Variants in ARHGEF4 observed in about 807,000 individuals in gnomAD.
ARHGEF4 encodes APC-stimulated guanine nucleotide exchange factor 1.
A neutral mutation model predicts 162.0 loss-of-function variants in ARHGEF4; 119 were observed. That is an observed-to-expected ratio of 0.73 (90% confidence interval 0.63 to 0.86). ARHGEF4 has a LOEUF of 0.86. Ranked by LOEUF, ARHGEF4 falls within the 40% of genes least tolerant of loss-of-function variation. The pLI is 0.00. For synonymous variants in ARHGEF4, 1,014 were observed against 979.9 expected (o/e 1.03, Z -0.65); for missense variants, 2,488 against 2,456.0 (o/e 1.01, Z -0.28).
chr2:131,017,493 T>C (rs1406790264), intron 4 of ARHGEF4, among the ~76,000 whole-genome samples: 1 of 152,210 alleles, frequency 6.6e-6, no homozygotes. Context: ...TCGCTTTTCT[T>C]TTCTCCCAGG....
chr2:130,926,052 T>TTC (rs751271786), intron 2 of ARHGEF4, among the ~76,000 whole-genome samples: 1,476 of 98,120 alleles, frequency 0.015, 29 homozygotes, highest in African/African-American at 0.051. Flanking sequence ...TTCTTTCTCT[T>TTC]TCTTTCTTTC....
At chr2:130,967,004 C>T (rs757566816) in intron 4 of ARHGEF4, among the ~76,000 whole-genome samples, 6 of 152,170 alleles carry the variant, frequency 3.9e-5, no homozygotes, top group Admixed American at 1.3e-4. Context: ...AGTAAGGGAT[C>T]GTCAGCACAG....
chr2:130,940,831 C>CAAAAAAAAAAAA (rs1196586339), intron 3 of ARHGEF4, among the ~76,000 whole-genome samples: 1 of 43,384 alleles, frequency 2.3e-5, no homozygotes, highest in African/African-American at 9.0e-5. Flanking sequence ...GACTCCGTCT[C>CAAAAAAAAAAAA]AAAAAAAAAA....
chr2:131,018,210 G>T (rs1433473964), intron 4 of ARHGEF4, among the ~76,000 whole-genome samples: 1 of 152,114 alleles, frequency 6.6e-6, no homozygotes, highest in Non-Finnish European at 1.5e-5. Context: ...AAACAATTGT[G>T]GTATAATCCA....
chr2:130,865,511 C>T lies in ARHGEF4; in HGVS notation c.39+28519C>T, dbSNP rs919082882. Among the ~76,000 whole-genome samples the T allele has an allele frequency of 2.6e-5, 4 of 152,286 alleles. No individual in the cohort carries two copies. The East Asian group carries it at 5.8e-4, about 22-fold the overall frequency. ...AGGCAGGTTGTGTCACCTCCTCCTCCTAGTCATCATGGTTATTTTCCAGAT... is the reference window on the plus strand; with the variant it reads ...AGGCAGGTTGTGTCACCTCCTCCTCTTAGTCATCATGGTTATTTTCCAGAT... On this transcript the variant is annotated intron_variant, in intron 1 of 13. Transcript: ENST00000409359.
chr2:130,872,964 G>T (rs562330089), intron 1 of ARHGEF4, among the ~76,000 whole-genome samples: 1 of 152,324 alleles, frequency 6.6e-6, no homozygotes, highest in Admixed American at 6.5e-5. Flanking sequence ...GAGGCTTGGG[G>T]TGTTCGCCTG....
chr2:131,042,038 C>A, intron 10 of ARHGEF4, 94 bp downstream of exon 10: 1 of 1,478,952 alleles, frequency 6.8e-7, no homozygotes, highest in Non-Finnish European at 9.0e-7. Context: ...GGAGCTGAAG[C>A]AGGGAGCTGC....
intron 4 of ARHGEF4, among the ~76,000 whole-genome samples, chr2:130,948,327 C>T (rs1200739346): frequency 2.0e-5 from 3 of 152,180 alleles, no homozygotes; most frequent in Non-Finnish European, 4.4e-5. Context: ...TTCTTTCCCA[C>T]ATAAAGTTGT....
rs568645295 is a variant in ARHGEF4 at position 131,011,911 on chromosome 2, A to T, written c.3986-16034A>T. On this transcript the variant is annotated intron_variant, in intron 4 of 13. Transcript: ENST00000409359. ...CAGAGATGGGACCTGCACTGGAGGT[A>T]CGTGGTGGACAGATGAAAAATGGTT... 1.8e-4 allele frequency: 124 copies of T among 702,648 alleles called. 3 individuals are homozygous for T. In the South Asian group the frequency reaches 1.8e-3, roughly 10 times the overall value. The allele number at this position is 702,648 out of a possible 1,614,324, so 43.5% of individuals were successfully genotyped here.
At chr2:130,926,847 G>A (rs1205197589) in intron 2 of ARHGEF4, among the ~76,000 whole-genome samples, 2 of 51,230 alleles carry the variant, frequency 3.9e-5, no homozygotes, top group East Asian at 1.8e-3. Context: ...TTGGTCAGGA[G>A]CACTCTTACA....
At position 130,855,659 on chromosome 2, in the gene ARHGEF4, T is replaced by TA. The variant is rs1298242610; in HGVS notation, c.39+18668dup. On this transcript the variant is annotated intron_variant, in intron 1 of 13. Coordinates refer to ENST00000409359, the MANE Select transcript of ARHGEF4 (RefSeq NM_001367493.1). ...CTTAACTATTCAGACTCCAGTCCCCTAGGGCCTCAGGCAGACCAAAGAAGG... is the reference window on the plus strand; with the variant it reads ...CTTAACTATTCAGACTCCAGTCCCCTAAGGGCCTCAGGCAGACCAAAGAAGG... Among the ~76,000 whole-genome samples the TA allele has an allele frequency of 3.3e-5, 5 of 152,256 alleles. No homozygotes were observed. In the East Asian group the frequency reaches 7.7e-4, roughly 24 times the overall value.
Position 131,044,399 on chromosome 2 carries a change from T to G in ARHGEF4, c.5258T>G (p.Val1753Gly). 1 of 1,585,204 alleles carries G rather than the reference T, an allele frequency of 6.3e-7. No individual in the cohort carries two copies. Among genetic ancestry groups the G allele is most frequent in the Non-Finnish European group, 8.6e-7 (1 of 1,165,712 alleles). The change falls in exon 12 of 14, where the codon GTG (valine) becomes GGG (glycine). Residue 1753 changes from valine to glycine, a missense_variant. By Grantham distance (109) the Val-to-Gly change is moderately radical (BLOSUM62 -3). Transcript: ENST00000409359. ...LEDGKDRDLHVSIKNAFRLHR... is the reference protein window; with the variant it reads ...LEDGKDRDLHGSIKNAFRLHR... ...GACGGGAAGGACAGAGACCTCCATG[T>G]GAGCATCAAGAACGCCTTCCGGCTG...
chr2:131,020,198 A>AT (rs1689020063), intron 4 of ARHGEF4, among the ~76,000 whole-genome samples: 3 of 151,484 alleles, frequency 2.0e-5, no homozygotes, highest in Non-Finnish European at 2.9e-5. Flanking sequence ...ATTTTATTTT[A>AT]TTTATTATAC....
chr2:131,002,709 C>CAAAA (rs66979991), intron 4 of ARHGEF4, among the ~76,000 whole-genome samples: 23 of 53,248 alleles, frequency 4.3e-4, no homozygotes, highest in Non-Finnish European at 5.6e-4. Context: ...GACTCCGTCT[C>CAAAA]AAAAAAAAAA....
intron 1 of ARHGEF4, among the ~76,000 whole-genome samples, chr2:130,889,065 A>G (rs1679693625): frequency 6.6e-6 from 1 of 151,456 alleles, no homozygotes; most frequent in African/African-American, 2.4e-5. Flanking sequence ...AGATCATGCC[A>G]TTGCACTCCG....
At chr2:130,864,028 C>CA (rs983581229) in intron 1 of ARHGEF4, among the ~76,000 whole-genome samples, 22 of 145,142 alleles carry the variant, frequency 1.5e-4, no homozygotes, top group South Asian at 4.6e-4. Flanking sequence ...ACTAAAAATA[C>CA]AAAAAAAATT....
In ARHGEF4 at chr2:131,046,524, T is replaced by G; in HGVS notation, c.*335T>G. ...CCAGGCCCAGCTGGGGAGAAGGCGCTACCTGCGTGGGACCCTCTTCTCTGG... is the reference window on the plus strand; with the variant it reads ...CCAGGCCCAGCTGGGGAGAAGGCGCGACCTGCGTGGGACCCTCTTCTCTGG... On this transcript the variant is annotated 3_prime_UTR_variant, in exon 14 of 14. Coordinates refer to ENST00000409359, the MANE Select transcript of ARHGEF4 (RefSeq NM_001367493.1). 7.7e-6 allele frequency: 2 copies of G among 259,762 alleles called. No individual in the cohort carries two copies. Among genetic ancestry groups the G allele is most frequent in the Non-Finnish European group, 7.3e-6 (1 of 136,608 alleles). The allele number at this position is 259,762 out of a possible 1,614,324, so 16.1% of individuals were successfully genotyped here.
intron 4 of ARHGEF4, among the ~76,000 whole-genome samples, chr2:130,995,644 A>G (rs945288764): frequency 6.6e-6 from 1 of 152,186 alleles, no homozygotes; most frequent in South Asian, 2.1e-4. Flanking sequence ...GAGAGGATTT[A>G]TATTTGCTTC....
rs572945711 is a variant in ARHGEF4, at chr2:130,837,169, G to C, written c.39+177G>C. Among the ~76,000 whole-genome samples the C allele has an allele frequency of 2.4e-3, 367 of 152,202 alleles. 1 individual carries two copies. Among genetic ancestry groups the C allele is most frequent in the African/African-American group, 8.7e-3 (362 of 41,546 alleles). ...TTCCGACGTGCAGACCGGAGGCGGC[G>C]TCCTGCAAAGTGGGGCCGTCTCGAG... On this transcript the variant is annotated intron_variant, in intron 1 of 13. Transcript: ENST00000409359.
Sources: allele counts gnomAD v4.1 joint callset (sites outside exome capture counted in the v4.1 genomes callset), GRCh38; gene constraint gnomAD v4.1.1; transcripts MANE v1.5; gene names NCBI Gene and HGNC (gene_info 2026-07-23, HGNC 2026-07-21).